The following RPAP1 variants were observed in gnomAD, a reference collection of about 807,000 sequenced individuals.
The protein encoded by RPAP1 is RNA polymerase II-associated protein 1.
A neutral mutation model predicts 142.4 loss-of-function variants in RPAP1; 109 were observed. The observed-to-expected ratio is 0.77, with a 90% confidence interval of 0.66 to 0.90. RPAP1 has a LOEUF of 0.90. RPAP1 is among the 40% of genes least tolerant of loss of function. The pLI, the probability that RPAP1 is intolerant of heterozygous loss-of-function variation, is 0.00. For synonymous variants in RPAP1, 704 were observed against 738.9 expected (o/e 0.95, Z 0.77); for missense variants, 1,546 against 1,751.7 (o/e 0.88, Z 2.10).
Position 41,518,066 on chromosome 15 carries a change from G to A in RPAP1, c.3912C>T (p.Leu1304=). 6.2e-7 allele frequency: 1 copy of A among 1,613,426 alleles called. No individual in the cohort carries two copies. The highest frequency in any genetic ancestry group is 8.5e-7 in the Non-Finnish European group (1 of 1,179,842). Reference sequence around the variant, plus strand: ...TGACATGAGCCACAGCCACAGCATAGAGCACGGGGCACCAACGTGGGCGGA... The same window carrying A: ...TGACATGAGCCACAGCCACAGCATAAAGCACGGGGCACCAACGTGGGCGGA... The part of the protein sequence containing the change: ...GALRPRWCPV[L]YAVAVAHVNS... Residue 1304 remains leucine (L), a synonymous_variant, in exon 23 of 25, where the codon CTC becomes CTT. Coordinates refer to ENST00000304330, the MANE Select transcript of RPAP1 (RefSeq NM_015540.4).
At chr15:41,532,978 CAAAAAAAAAAAAAA>C (rs56292925) in intron 6 of RPAP1, among the ~76,000 whole-genome samples, 1 of 66,648 alleles carries the variant, frequency 1.5e-5, no homozygotes, top group African/African-American at 6.7e-5. Context: ...GACTCCGTCT[CAAAAAAAAAAAAAA>C]AAAAAAAAAA....
rs1275661089 is a variant in RPAP1 at position 41,536,990 on chromosome 15, C to T, written c.136G>A (p.Asp46Asn). The T allele has an allele frequency of 3.1e-6, 5 of 1,614,126 alleles. No individual in the cohort carries two copies. The highest frequency in any genetic ancestry group is 4.2e-6 in the Non-Finnish European group (5 of 1,180,024). ...GNRGGGDANS[D>N]RPPLQDHRDV... ...CGATGGTCCTGGAGCGGAGGCCGGT[C>T]TGAGTTGGCATCACCACCGCCCCTA... Residue 46 changes from aspartate (D) to asparagine (N), a missense_variant, in exon 2 of 25, where the codon GAC becomes AAC. By Grantham distance (23) the Asp-to-Asn change is conservative (BLOSUM62 1). This residue lies in a region of RPAP1 where 1,333 missense variants were observed against 1,486.6 expected (regional missense o/e 0.90). Transcript: ENST00000304330.
intron 18 of RPAP1, 99 bp downstream of exon 18, chr15:41,523,146 T>C: frequency 9.8e-7 from 1 of 1,023,356 alleles, no homozygotes; most frequent in Non-Finnish European, 1.4e-6. Flanking sequence ...GCCGAGGGCC[T>C]GCACCCTGGG....
At chr15:41,535,367 A>G in intron 5 of RPAP1, 145 bp downstream of exon 5, 1 of 1,192,682 alleles carries the variant, frequency 8.4e-7, no homozygotes, top group Non-Finnish European at 1.2e-6. Context: ...TATGGACCCA[A>G]GCCTCCCATA....
chr15:41,527,328 G>A, intron 12 of RPAP1, 27 bp from the exon 13 acceptor site: 4 of 1,613,890 alleles, frequency 2.5e-6, no homozygotes, highest in Non-Finnish European at 3.4e-6. Context: ...GAAACCCACT[G>A]ACAAATGCAG....
At chr15:41,523,624 A>C in intron 17 of RPAP1, 147 bp downstream of exon 17, 1 of 805,596 alleles carries the variant, frequency 1.2e-6, no homozygotes, top group Admixed American at 2.3e-5. Context: ...ATGGAGGTAG[A>C]AAGAGGAGGA....
chr15:41,537,316 A>T, intron 1 of RPAP1, 115 bp from the exon 2 acceptor site: 1 of 596,720 alleles, frequency 1.7e-6, no homozygotes. Flanking sequence ...CTCCTCATTC[A>T]TACCTTACTG....
At chr15:41,532,765 G>C (rs991048431) in intron 6 of RPAP1, among the ~76,000 whole-genome samples, 1 of 151,922 alleles carries the variant, frequency 6.6e-6, no homozygotes, top group East Asian at 1.9e-4. Context: ...GTCGCTGGAG[G>C]TCAGGAGTTC....
intron 5 of RPAP1, 79 bp from the exon 6 acceptor site, chr15:41,535,014 C>A (rs2140784101): frequency 7.3e-7 from 1 of 1,365,496 alleles, no homozygotes; most frequent in East Asian, 2.4e-5. Flanking sequence ...TTCTATAAGG[C>A]TATTAGCCCT....
intron 17 of RPAP1, 72 bp downstream of exon 17, chr15:41,523,699 G>A: frequency 1.5e-6 from 2 of 1,297,814 alleles, no homozygotes; most frequent in Non-Finnish European, 1.1e-6. Context: ...GACACAGAGA[G>A]GGAGCAACGG....
At chr15:41,527,816 C>G (rs1277213942) in intron 11 of RPAP1, 44 bp downstream of exon 11, 2 of 1,608,824 alleles carry the variant, frequency 1.2e-6, no homozygotes, top group Middle Eastern at 1.7e-4. Context: ...GAATATGGAC[C>G]CTGGCACCTC....
At chr15:41,540,124 GAT>G (rs1183541362) in intron 1 of RPAP1, among the ~76,000 whole-genome samples, 1 of 152,148 alleles carries the variant, frequency 6.6e-6, no homozygotes, top group African/African-American at 2.4e-5. Context: ...GCTGGCCAAA[GAT>G]ATCTGCAAGC....
At chr15:41,522,708 C>G in intron 19 of RPAP1, 57 bp downstream of exon 19, 6 of 460,864 alleles carry the variant, frequency 1.3e-5, no homozygotes, top group Non-Finnish European at 2.4e-5. Flanking sequence ...CACTTTCTTT[C>G]TGATTCCTGC....
rs748619029 is a variant in RPAP1 at position 41,531,146 on chromosome 15, CT to C, written c.819del (p.Glu274ArgfsTer47). On this transcript the variant is annotated frameshift_variant, in exon 7 of 25. Transcript: ENST00000304330. LOFTEE classifies it high-confidence loss of function. ...GGCCTCTGCTCCTCAGAGGCTGTCTCTCCTGTTTGCTCTTGCGTGTGGCTGT... is the reference window on the plus strand; with the variant it reads ...GGCCTCTGCTCCTCAGAGGCTGTCTCCCTGTTTGCTCTTGCGTGTGGCTGT... ...RSHSHTQEQT[G>X]ETASEEQRPG... is the part of the protein sequence containing the mutation. The C allele has an allele frequency of 6.2e-7, 1 of 1,613,982 alleles. No homozygotes were observed.
chr15:41,519,402 G>A (rs558492893), intron 22 of RPAP1, among the ~76,000 whole-genome samples: 11 of 151,170 alleles, frequency 7.3e-5, no homozygotes, highest in East Asian at 5.9e-4. Flanking sequence ...TAGTAGAGAC[G>A]GTTTCACCAT....
chr15:41,527,941 G>C lies in RPAP1; in HGVS notation c.1347C>G (p.Phe449Leu), dbSNP rs1406786382. The C allele has an allele frequency of 6.2e-7, 1 of 1,614,108 alleles. No homozygotes were observed. The highest frequency in any genetic ancestry group is 2.2e-5 in the East Asian group (1 of 44,870). The change falls in exon 11 of 25, where the codon TTC (phenylalanine) becomes TTG (leucine). Residue 449 changes from phenylalanine to leucine, a missense_variant. Transcript: ENST00000304330. ...CCCCATCCACTCTGTCATCCAAGGA[G>C]AAGCGCAGTAGGAAGAGGAAACCAG... ...LDAGFLFLLRFSLDDRVDGVI... is the reference protein window; with the variant it reads ...LDAGFLFLLRLSLDDRVDGVI...
intron 9 of RPAP1, 86 bp downstream of exon 9, chr15:41,529,384 C>T (rs1038293189): frequency 4.7e-6 from 4 of 860,098 alleles, no homozygotes; most frequent in Non-Finnish European, 7.6e-6. Flanking sequence ...ACAGGGCACA[C>T]AGAAGGTCAA....
intron 1 of RPAP1, among the ~76,000 whole-genome samples, chr15:41,538,343 T>C (rs1400321000): frequency 1.3e-5 from 2 of 152,198 alleles, no homozygotes; most frequent in African/African-American, 4.8e-5. Flanking sequence ...CTCAAACTCC[T>C]GGGCTTGGGT....
intron 15 of RPAP1, 54 bp downstream of exon 15, chr15:41,524,937 A>AG: frequency 6.3e-7 from 1 of 1,581,300 alleles, no homozygotes; most frequent in South Asian, 1.1e-5. Flanking sequence ...TGATTTGGCC[A>AG]GAAGAGCAGA....
Sources: allele counts gnomAD v4.1 joint callset (sites outside exome capture counted in the v4.1 genomes callset), GRCh38; gene constraint gnomAD v4.1.1; regional missense constraint gnomAD v4.1.1; transcripts MANE v1.5; gene names NCBI Gene and HGNC (gene_info 2026-07-23, HGNC 2026-07-21).